The following SMARCAD1 variants were observed in gnomAD, a reference collection of about 807,000 sequenced individuals.
SMARCAD1 encodes the protein SNF2 related chromatin remodeling ATPase with DExD box 1.
A neutral mutation model predicts 127.1 loss-of-function variants in SMARCAD1; 25 were observed. The observed-to-expected ratio is 0.20, with a 90% CI of 0.14 to 0.27. The LOEUF (loss-of-function observed/expected upper bound fraction) is 0.27, where lower values mean the gene tolerates loss of function less well. Among genes scored for constraint, SMARCAD1 ranks in the 10% least tolerant of loss-of-function variants. SMARCAD1 has a pLI of 1.00. For missense variants in SMARCAD1, 807 were observed against 1,206.0 expected (o/e 0.67, Z 4.90); for synonymous variants, 400 against 396.9 (o/e 1.01, Z -0.09).
At chr4:94,214,339 T>A (rs977529495) in intron 2 of SMARCAD1, among the ~76,000 whole-genome samples, 6 of 150,054 alleles carry the variant, frequency 4.0e-5, no homozygotes, top group Non-Finnish European at 8.9e-5. Context: ...CTCAACTCAC[T>A]GCAATCTCTG....
At chr4:94,283,434 T>C in intron 22 of SMARCAD1, 131 bp downstream of exon 22, 1 of 789,146 alleles carries the variant, frequency 1.3e-6, no homozygotes, top group Non-Finnish European at 2.1e-6. Flanking sequence ...TGATGTATTT[T>C]ATACCAGCAG....
At chr4:94,274,240 A>T (rs1366779323) in intron 12 of SMARCAD1, among the ~76,000 whole-genome samples, 1 of 152,198 alleles carries the variant, frequency 6.6e-6, no homozygotes, top group Non-Finnish European at 1.5e-5. Context: ...AAACCTCAAG[A>T]TCATTTTACA....
chr4:94,246,669 C>T (rs1219090188), intron 6 of SMARCAD1, among the ~76,000 whole-genome samples: 7 of 152,268 alleles, frequency 4.6e-5, no homozygotes, highest in Admixed American at 3.9e-4. Context: ...CGTATCTGAC[C>T]AGTACCATTG....
At chr4:94,214,858 G>C (rs984064010) in intron 2 of SMARCAD1, among the ~76,000 whole-genome samples, 3 of 151,944 alleles carry the variant, frequency 2.0e-5, no homozygotes, top group African/African-American at 7.3e-5. Flanking sequence ...GCCTTTTCAA[G>C]GTGGTTGTCA....
At chr4:94,278,003 T>C (rs1169877282) in intron 16 of SMARCAD1, among the ~76,000 whole-genome samples, 1 of 152,178 alleles carries the variant, frequency 6.6e-6, no homozygotes, top group African/African-American at 2.4e-5. Flanking sequence ...ACCAAGTGAT[T>C]TGCATCAGTC....
intron 9 of SMARCAD1, among the ~76,000 whole-genome samples, chr4:94,255,893 T>C (rs569534253): frequency 6.6e-6 from 1 of 152,268 alleles, no homozygotes; most frequent in African/African-American, 2.4e-5. Flanking sequence ...GTAATGTAGG[T>C]GCCTATTGTG....
At chr4:94,238,323 C>T (rs963329459) in intron 5 of SMARCAD1, among the ~76,000 whole-genome samples, 1 of 152,130 alleles carries the variant, frequency 6.6e-6, no homozygotes, top group South Asian at 2.1e-4. Context: ...CTTGACTCTT[C>T]TGTCTTTGTT....
chr4:94,266,773 C>T (rs1221050620), intron 10 of SMARCAD1, among the ~76,000 whole-genome samples: 1 of 152,072 alleles, frequency 6.6e-6, no homozygotes, highest in Admixed American at 6.6e-5. Flanking sequence ...ACGAAGTTTA[C>T]TTTGCTACAA....
chr4:94,275,423 A>G (rs1032628074), intron 14 of SMARCAD1, among the ~76,000 whole-genome samples: 6 of 152,208 alleles, frequency 3.9e-5, no homozygotes, highest in African/African-American at 1.4e-4. Context: ...AATATCTTGC[A>G]CAGAACTTAA....
rs1206579340 is a variant in SMARCAD1 at position 94,253,619 on chromosome 4, AT to A, written c.1281+615del. 10 of 1,034,012 alleles carry A rather than the reference AT, an allele frequency of 9.7e-6. No homozygotes were observed. The Admixed American group carries it at 1.5e-4, about 16-fold the overall frequency. 64.1% of individuals were successfully genotyped at this position (1,034,012 alleles called of 1,614,324 possible). ...CGTTTTTAATTGGAAAGATAGAAAA[AT>A]TTCTGGAAGCCTATAATTCAAGCGT... On this transcript the variant is annotated intron_variant, in intron 9 of 23. Coordinates refer to ENST00000354268, the MANE Select transcript of SMARCAD1 (RefSeq NM_020159.5).
chr4:94,248,648 A>G, intron 6 of SMARCAD1: 1 of 408,700 alleles, frequency 2.4e-6, no homozygotes, highest in East Asian at 7.1e-5. Flanking sequence ...TTAATTCTTC[A>G]TCCTTGTAAC....
intron 2 of SMARCAD1, among the ~76,000 whole-genome samples, chr4:94,209,809 C>G (rs1741905996): frequency 6.6e-6 from 1 of 152,200 alleles, no homozygotes; most frequent in South Asian, 2.1e-4. Context: ...CCTGTGTTCA[C>G]TCTTTGAATA....
chr4:94,283,181 A>T lies in SMARCAD1; in HGVS notation c.2787A>T (p.Thr929=). 3 of 1,613,778 alleles carry T rather than the reference A, an allele frequency of 1.9e-6. No individual in the cohort carries two copies. The highest frequency in any genetic ancestry group is 2.5e-6 in the Non-Finnish European group (3 of 1,179,938). The change falls in exon 22 of 24, where the codon ACA becomes ACT. Residue 929 remains threonine (T), a synonymous_variant. Coordinates refer to ENST00000354268, the MANE Select transcript of SMARCAD1 (RefSeq NM_020159.5). ...DMDIFVFLLS[T]KAGGLGINLT... is the part of the protein sequence containing the mutation. ...ATATCTTTGTGTTTCTGCTATCAAC[A>T]AAAGCTGGTGGATTAGGAATAAATC...
chr4:94,230,386 A>G (rs1745657369), intron 3 of SMARCAD1, among the ~76,000 whole-genome samples: 1 of 151,710 alleles, frequency 6.6e-6, no homozygotes. Flanking sequence ...CCTGGAAATC[A>G]TATCAGTTCT....
At chr4:94,281,816 T>C (rs1754068030) in intron 21 of SMARCAD1, among the ~76,000 whole-genome samples, 1 of 150,958 alleles carries the variant, frequency 6.6e-6, no homozygotes, top group Non-Finnish European at 1.5e-5. Context: ...GGCTCAGGAG[T>C]TCAAGACTAC....
At position 94,271,665 on chromosome 4, in the gene SMARCAD1, A is replaced by G. The variant is rs553613708; in HGVS notation, c.1572+847A>G. ...TGTTTATCTAATAGAAAAGTGAATA[A>G]TATTCACAGGATTTCAAAATACTTA... On this transcript the variant is annotated intron_variant, in intron 11 of 23. Coordinates refer to ENST00000354268, the MANE Select transcript of SMARCAD1 (RefSeq NM_020159.5). 2.6e-5 allele frequency among the ~76,000 whole-genome samples: 4 copies of G among 152,340 alleles called. No individual in the cohort carries two copies. The East Asian group carries it at 7.7e-4, about 29-fold the overall frequency.
intron 11 of SMARCAD1, among the ~76,000 whole-genome samples, chr4:94,271,347 T>G (rs907934761): frequency 6.6e-6 from 1 of 152,208 alleles, no homozygotes; most frequent in Non-Finnish European, 1.5e-5. Context: ...CAAATCACAT[T>G]GCCTTAAAGC....
At chr4:94,269,048 G>T (rs751210424) in intron 10 of SMARCAD1, among the ~76,000 whole-genome samples, 1 of 152,058 alleles carries the variant, frequency 6.6e-6, no homozygotes. Flanking sequence ...TATAAAGACA[G>T]AATTAGAAAA....
chr4:94,252,403 T>C (rs1749412616), intron 8 of SMARCAD1, among the ~76,000 whole-genome samples: 1 of 152,246 alleles, frequency 6.6e-6, no homozygotes. Flanking sequence ...ATTTAATTCA[T>C]TTTAAAAACA....
Sources: gnomAD v4.1 joint callset for allele counts (sites outside exome capture counted in the v4.1 genomes callset) on GRCh38, gnomAD v4.1.1 for gene constraint, MANE v1.5 for transcripts, NCBI Gene and HGNC (gene_info 2026-07-23, HGNC 2026-07-21) for gene names.